The following DIPK2A variants were observed in gnomAD, a reference collection of about 807,000 sequenced individuals.
The protein encoded by DIPK2A is divergent protein kinase domain 2A.
In DIPK2A, 27 loss-of-function variants were observed where a neutral mutation model predicts 39.0. That is an observed-to-expected ratio of 0.69 (90% confidence interval 0.51 to 0.96). The LOEUF is 0.96. Among genes scored for constraint, DIPK2A ranks in the 40% least tolerant of loss-of-function variants. The pLI, the probability that DIPK2A is intolerant of heterozygous loss-of-function variation, is 0.00. For synonymous variants in DIPK2A, 298 were observed against 240.8 expected, an observed-to-expected ratio of 1.24 and a Z score of -2.20; for missense variants, 528 against 571.3, an observed-to-expected ratio of 0.92 and a Z score of 0.77.
In DIPK2A at chr3:143,972,496, G is replaced by T; in HGVS notation, c.164G>T (p.Cys55Phe). 1 of 1,610,090 alleles carries T rather than the reference G, an allele frequency of 6.2e-7. No individual in the cohort carries two copies. The highest frequency in any genetic ancestry group is 8.5e-7 in the Non-Finnish European group (1 of 1,178,362). ...TDRRFLQLNK[C>F]PACFGTSWCR... The stretch of plus-strand genomic sequence containing the variant: ...CGGCGCTTCCTGCAGCTCAATAAGT[G>T]CCCGGCGTGCTTCGGCACGAGCTGG... The change falls in exon 1 of 3, where the codon TGC becomes TTC. Residue 55 changes from cysteine to phenylalanine, a missense_variant. Around this residue, in one of 2 missense-constraint regions of DIPK2A, gnomAD observed 309 missense variants for 289.8 expected, o/e 1.07. Transcript: ENST00000315691.
At chr3:143,976,133 C>T (rs2087725135) in intron 1 of DIPK2A, among the ~76,000 whole-genome samples, 2 of 152,010 alleles carry the variant, frequency 1.3e-5, no homozygotes, top group South Asian at 2.1e-4. Flanking sequence ...TAAATTTCCC[C>T]ATATGAAATG....
At chr3:143,985,897 A>G (rs1173266378) in intron 2 of DIPK2A, 51 bp downstream of exon 2, 4 of 1,412,698 alleles carry the variant, frequency 2.8e-6, no homozygotes, top group South Asian at 2.7e-5. Flanking sequence ...CTATGTCAAA[A>G]TAATGTTTAT....
At position 143,989,914 on chromosome 3, in the gene DIPK2A, G is replaced by GA. The variant is rs1394261212; in HGVS notation, c.*79dup. ...AAACTAAACCACCAAAAAACGATCT[G>GA]AAAAAATGAAATTTGGAAGTGTTAC... is the stretch of plus-strand genomic sequence containing the variant. On this transcript the variant is annotated 3_prime_UTR_variant, in exon 3 of 3. Coordinates refer to ENST00000315691, the MANE Select transcript of DIPK2A (RefSeq NM_173552.5). 2.6e-6 allele frequency: 3 copies of GA among 1,171,282 alleles called. No homozygotes were observed. The highest frequency in any genetic ancestry group is 3.6e-6 in the Non-Finnish European group (3 of 826,830). The allele number at this position is 1,171,282 out of a possible 1,614,324, so 72.6% of individuals were successfully genotyped here. A position where few individuals can be genotyped will look rare whatever the true frequency, so the allele number is the denominator to read the frequency against.
rs1304250535 is a variant in DIPK2A at position 143,976,555 on chromosome 3, T to TGTGA, written c.657+3567_657+3568insTGAG. The stretch of plus-strand genomic sequence containing the variant: ...GAGTGTGTGTGTGTGTGTGTGTGTG[T>TGTGA]GAGAGAGAGAGAGAGAGAGAGAGAG... On this transcript the variant is annotated intron_variant, in intron 1 of 2. Coordinates refer to ENST00000315691, the MANE Select transcript of DIPK2A (RefSeq NM_173552.5). 4.2e-5 allele frequency among the ~76,000 whole-genome samples: 5 copies of TGTGA among 118,082 alleles called. No individual in the cohort carries two copies. In the South Asian group the frequency reaches 7.6e-4, roughly 18 times the overall value. 77.5% of individuals were successfully genotyped at this position (118,082 alleles called of 152,430 possible). A position where few individuals can be genotyped will look rare whatever the true frequency, so the allele number is the denominator to read the frequency against.
intron 1 of DIPK2A, among the ~76,000 whole-genome samples, chr3:143,977,044 C>T (rs1298732392): frequency 6.6e-6 from 1 of 151,832 alleles, no homozygotes; most frequent in East Asian, 1.9e-4. Flanking sequence ...TGATTTTTTT[C>T]CATTATTACT....
intron 2 of DIPK2A, among the ~76,000 whole-genome samples, chr3:143,988,638 C>A (rs998374101): frequency 2.0e-5 from 3 of 152,104 alleles, no homozygotes; most frequent in African/African-American, 7.2e-5. Flanking sequence ...TGCCTAATAT[C>A]CCTCTTACCT....
At chr3:143,976,555 T>TGTGAGAGAGAGAGAGAGAGAGAGAGA (rs1304250535) in intron 1 of DIPK2A, among the ~76,000 whole-genome samples, 5 of 118,044 alleles carry the variant, frequency 4.2e-5, no homozygotes, top group Non-Finnish European at 8.2e-5. Context: ...TGTGTGTGTG[T>TGTGAGAGAGAGAGAGAGAGAGAGAGA]GAGAGAGAGA....
At chr3:143,975,330 A>G (rs890321662) in intron 1 of DIPK2A, among the ~76,000 whole-genome samples, 1 of 152,138 alleles carries the variant, frequency 6.6e-6, no homozygotes, top group Admixed American at 6.5e-5. Flanking sequence ...CTGATTAACA[A>G]GCAAGTAGAG....
chr3:143,990,806 C>T lies in DIPK2A; in HGVS notation c.*965C>T, dbSNP rs1211859098. On this transcript the variant is annotated 3_prime_UTR_variant, in exon 3 of 3. Coordinates refer to ENST00000315691, the MANE Select transcript of DIPK2A (RefSeq NM_173552.5). ...AGAATTGGTCAGCTACTTATTCTTA[C>T]CACCCTACTTCCAGTATTTTAGCTC... The T allele has an allele frequency of 2.0e-5, 3 of 152,572 alleles. No homozygotes were observed. The highest frequency in any genetic ancestry group is 7.2e-5 in the African/African-American group (3 of 41,446). The allele number at this position is 152,572 out of a possible 1,614,324, so 9.5% of individuals were successfully genotyped here.
At chr3:143,973,796 C>T (rs968050424) in intron 1 of DIPK2A, 21 of 573,130 alleles carry the variant, frequency 3.7e-5, no homozygotes, top group Middle Eastern at 4.6e-4. Context: ...TGTTTGCTCT[C>T]GTCTGACTGT....
At chr3:143,986,722 C>CAAAAAAAA (rs11293429) in intron 2 of DIPK2A, among the ~76,000 whole-genome samples, 1 of 67,058 alleles carries the variant, frequency 1.5e-5, no homozygotes, top group Non-Finnish European at 3.8e-5. Context: ...GACTCCGTCT[C>CAAAAAAAA]AAAAAAAAAA....
rs999280356 is a variant in DIPK2A at position 143,992,129 on chromosome 3, C to T, written c.*2288C>T. On this transcript the variant is annotated 3_prime_UTR_variant, in exon 3 of 3. Coordinates refer to ENST00000315691, the MANE Select transcript of DIPK2A (RefSeq NM_173552.5). Reference sequence around the variant, plus strand: ...TTGTTCACTTTGCTATCAAGATGTTCACTATCAGATATTTATTATATGGCA... The same window carrying T: ...TTGTTCACTTTGCTATCAAGATGTTTACTATCAGATATTTATTATATGGCA... 6.6e-6 allele frequency: 1 copy of T among 152,556 alleles called. No homozygotes were observed. Among genetic ancestry groups the T allele is most frequent in the African/African-American group, 2.4e-5 (1 of 41,430 alleles). The allele number at this position is 152,556 out of a possible 1,614,324, so 9.5% of individuals were successfully genotyped here. A position where few individuals can be genotyped will look rare whatever the true frequency, so the allele number is the denominator to read the frequency against.
rs1345182466 is a variant in DIPK2A at position 143,973,050 on chromosome 3, G to A, written c.657+61G>A. 4.0e-6 allele frequency: 6 copies of A among 1,512,656 alleles called. No homozygotes were observed. In the South Asian group the frequency reaches 4.9e-5, roughly 12 times the overall value. The allele number at this position is 1,512,656 out of a possible 1,614,324, so 93.7% of individuals were successfully genotyped here. On this transcript the variant is annotated intron_variant, in intron 1 of 2. Coordinates refer to ENST00000315691, the MANE Select transcript of DIPK2A (RefSeq NM_173552.5). ...GGGGCCGCGCGTGGGAATCAGAGTC[G>A]GGAGAAGTGGCTCAGCCAGCGCTTG...
At chr3:143,981,026 T>A (rs7635696) in intron 1 of DIPK2A, among the ~76,000 whole-genome samples, 270 of 152,322 alleles carry the variant, frequency 1.8e-3, no homozygotes, top group African/African-American at 6.1e-3. Context: ...AAATAAACAA[T>A]ACCAAAATGT....
chr3:143,980,745 A>C (rs552672756), intron 1 of DIPK2A, among the ~76,000 whole-genome samples: 1 of 152,234 alleles, frequency 6.6e-6, no homozygotes, highest in East Asian at 1.9e-4. Context: ...AGAACTTTCA[A>C]GTTTAACAAA....
At chr3:143,980,131 A>ATAAT (rs2087806222) in intron 1 of DIPK2A, among the ~76,000 whole-genome samples, 2 of 152,252 alleles carry the variant, frequency 1.3e-5, no homozygotes, top group South Asian at 4.1e-4. Context: ...TGAACACATT[A>ATAAT]GTCTGTCACC....
intron 1 of DIPK2A, among the ~76,000 whole-genome samples, chr3:143,978,692 A>ATATC (rs2087785349): frequency 7.3e-6 from 1 of 136,662 alleles, no homozygotes; most frequent in East Asian, 2.0e-4. Context: ...CTATATATAT[A>ATATC]TATATATATA....
intron 1 of DIPK2A, among the ~76,000 whole-genome samples, chr3:143,983,244 T>C (rs1020202135): frequency 6.6e-6 from 1 of 152,080 alleles, no homozygotes; most frequent in Non-Finnish European, 1.5e-5. Flanking sequence ...TCTACAGAAC[T>C]CTCCACCCCA....
At chr3:143,986,668 T>C (rs1371308373) in intron 2 of DIPK2A, among the ~76,000 whole-genome samples, 4 of 144,902 alleles carry the variant, frequency 2.8e-5, no homozygotes, top group Non-Finnish European at 4.5e-5. Context: ...GAGCCTGCAG[T>C]GAGCCGAGAT....
Sources: gnomAD v4.1 joint callset for allele counts (sites outside exome capture counted in the v4.1 genomes callset) on GRCh38, gnomAD v4.1.1 for gene constraint, gnomAD v4.1.1 regional missense constraint, MANE v1.5 for transcripts, NCBI Gene and HGNC (gene_info 2026-07-23, HGNC 2026-07-21) for gene names.